UBXN11: variants seen among roughly 807,000 people sequenced by gnomAD.
UBXN11 encodes the protein UBX domain protein 11.
Under a neutral mutation model 62.8 loss-of-function variants are expected in UBXN11, and 47 were observed. The ratio of observed to expected loss-of-function variants is 0.75; its 90% CI spans 0.59 to 0.95. The LOEUF is 0.95. Among genes scored for constraint, UBXN11 ranks in the 40% least tolerant of loss-of-function variants. The pLI is 0.00. For synonymous variants in UBXN11, 294 were observed against 267.0 expected, an observed-to-expected ratio of 1.10 and a Z score of -0.99; for missense variants, 638 against 661.7, an observed-to-expected ratio of 0.96 and a Z score of 0.39.
intron 1 of UBXN11, among the ~76,000 whole-genome samples, chr1:26,313,196 G>A (rs1268142277): frequency 6.6e-6 from 1 of 152,068 alleles, no homozygotes; most frequent in Non-Finnish European, 1.5e-5. Flanking sequence ...CCTCCCTGCT[G>A]TATTCCATTC....
intron 1 of UBXN11, among the ~76,000 whole-genome samples, chr1:26,305,975 GAC>G (rs1299376421): frequency 6.6e-6 from 1 of 152,198 alleles, no homozygotes; most frequent in African/African-American, 2.4e-5. Flanking sequence ...AGTCCAGTCC[GAC>G]ACATTGTCTC....
At chr1:26,293,792 G>A (rs557067086) in intron 8 of UBXN11, among the ~76,000 whole-genome samples, 15 of 150,848 alleles carry the variant, frequency 9.9e-5, no homozygotes, top group Admixed American at 2.6e-4. Flanking sequence ...GATTCCAAGG[G>A]CCATAAGCAA....
chr1:26,291,284 G>C (rs1006259661), intron 8 of UBXN11, among the ~76,000 whole-genome samples: 1 of 152,170 alleles, frequency 6.6e-6, no homozygotes, highest in South Asian at 2.1e-4. Flanking sequence ...AGAGAGGAAC[G>C]GGGACGCCGG....
At chr1:26,289,433 C>G (rs1311121250) in intron 8 of UBXN11, among the ~76,000 whole-genome samples, 4 of 152,002 alleles carry the variant, frequency 2.6e-5, no homozygotes, top group Non-Finnish European at 5.9e-5. Flanking sequence ...CCTTGGCCCT[C>G]GTCACAGGCC....
chr1:26,290,338 C>A (rs1383285506), intron 8 of UBXN11, among the ~76,000 whole-genome samples: 1 of 152,158 alleles, frequency 6.6e-6, no homozygotes, highest in Non-Finnish European at 1.5e-5. Flanking sequence ...AGGGGGTCAG[C>A]GATCTGCTGA....
chr1:26,289,561 T>A (rs572793514), intron 8 of UBXN11, among the ~76,000 whole-genome samples: 1 of 152,242 alleles, frequency 6.6e-6, no homozygotes, highest in Admixed American at 6.5e-5. Flanking sequence ...GGTTGGATCC[T>A]GCTTTCCAGA....
chr1:26,287,817 CTT>C (rs1477918059), intron 8 of UBXN11, among the ~76,000 whole-genome samples: 1 of 152,096 alleles, frequency 6.6e-6, no homozygotes, highest in Non-Finnish European at 1.5e-5. Context: ...TACCAAGACA[CTT>C]TTCTTTTAAC....
At chr1:26,317,105 G>T (rs2073803041) in intron 1 of UBXN11, among the ~76,000 whole-genome samples, 1 of 151,156 alleles carries the variant, frequency 6.6e-6, no homozygotes, top group African/African-American at 2.4e-5. Context: ...GCCAGGCATG[G>T]TGGCACACAC....
chr1:26,316,559 T>G (rs545391250), intron 1 of UBXN11, among the ~76,000 whole-genome samples: 6 of 152,134 alleles, frequency 3.9e-5, no homozygotes, highest in African/African-American at 1.4e-4. Context: ...GTTACATACA[T>G]GGCTGTGGCT....
intron 8 of UBXN11, among the ~76,000 whole-genome samples, chr1:26,290,371 A>C (rs1204418302): frequency 6.6e-6 from 1 of 152,126 alleles, no homozygotes; most frequent in Non-Finnish European, 1.5e-5. Context: ...CCCGACCTGA[A>C]CCCTGCCTCA....
At chr1:26,283,076 A>G (rs1026815096) in intron 12 of UBXN11, 139 bp from the exon 13 acceptor site, 2 of 1,078,232 alleles carry the variant, frequency 1.9e-6, no homozygotes, top group Non-Finnish European at 2.7e-6. Flanking sequence ...GTATAAACCA[A>G]GGCCAGAGGA....
chr1:26,310,469 C>T (rs1244049002), upstream of UBXN11, among the ~76,000 whole-genome samples: 4 of 150,404 alleles, frequency 2.7e-5, no homozygotes, highest in South Asian at 2.1e-4. Context: ...ACCCAGCAGT[C>T]GGAGGTTACA....
intron 10 of UBXN11, chr1:26,284,718 C>T: frequency 7.7e-7 from 1 of 1,294,594 alleles, no homozygotes; most frequent in East Asian, 3.2e-5. Context: ...GTACTGACAC[C>T]CTCCTTGGAG....
Position 26,301,688 on chromosome 1 carries a change from A to G in UBXN11, c.100+6T>C. The G allele has an allele frequency of 6.2e-7, 1 of 1,613,910 alleles. No homozygotes were observed. Among genetic ancestry groups the G allele is most frequent in the South Asian group, 1.1e-5 (1 of 91,028 alleles). ...CGAAGAGGGCACGAGGGCGGGGCAC[A>G]CTTACCATCTCCATAGATGCGGATT... is the stretch of plus-strand genomic sequence containing the variant. On this transcript the variant is annotated splice_donor_region_variant and intron_variant, in intron 3 of 14. Coordinates refer to ENST00000374222, the MANE Select transcript of UBXN11 (RefSeq NM_001389556.1).
chr1:26,307,711 C>G (rs927165610), upstream of UBXN11, among the ~76,000 whole-genome samples: 1 of 151,396 alleles, frequency 6.6e-6, no homozygotes, highest in Non-Finnish European at 1.5e-5. Flanking sequence ...CTGCAACATC[C>G]GCCTCCCAGG....
At chr1:26,297,136 C>A in intron 6 of UBXN11, 141 bp from the exon 7 acceptor site, 1 of 1,047,670 alleles carries the variant, frequency 9.5e-7, no homozygotes, top group Non-Finnish European at 1.4e-6. Flanking sequence ...CTGGCCTCTC[C>A]TCTGACCCCG....
chr1:26,295,030 C>A (rs1412161391), intron 7 of UBXN11, among the ~76,000 whole-genome samples: 1 of 152,168 alleles, frequency 6.6e-6, no homozygotes, highest in East Asian at 1.9e-4. Flanking sequence ...CACACGCTCT[C>A]CCAAATATAT....
upstream of UBXN11, chr1:26,306,716 G>T (rs2073676698): frequency 6.6e-6 from 1 of 151,876 alleles, no homozygotes; most frequent in African/African-American, 2.4e-5. Context: ...TGCAGACAGC[G>T]AAGGTGGATA....
rs529195906 is a variant in UBXN11 at position 26,284,020 on chromosome 1, C to G, written c.1077+122G>C. On this transcript the variant is annotated intron_variant, in intron 12 of 14. Coordinates refer to ENST00000374222, the MANE Select transcript of UBXN11 (RefSeq NM_001389556.1). ...TCCAGGAGACAGTGGAGCAACAGCT[C>G]TGAGGGACTCATCAGGTGCCTCAAG... 1.2e-3 allele frequency: 1,256 copies of G among 1,016,590 alleles called. 5 individuals are homozygous for G. Among genetic ancestry groups the G allele is most frequent in the Non-Finnish European group, 1.6e-3 (1,117 of 687,876 alleles). The allele number at this position is 1,016,590 out of a possible 1,614,324, so 63.0% of individuals were successfully genotyped here.
Sources: gnomAD v4.1 joint callset for allele counts (sites outside exome capture counted in the v4.1 genomes callset) on GRCh38, gnomAD v4.1.1 for gene constraint, MANE v1.5 for transcripts, NCBI Gene and HGNC (gene_info 2026-07-23, HGNC 2026-07-21) for gene names.